Variants in FHIT observed in about 807,000 individuals in gnomAD.
FHIT encodes the protein fragile histidine triad diadenosine triphosphatase, also known as bis(5'-adenosyl)-triphosphatase.
Under a neutral mutation model 17.9 loss-of-function variants are expected in FHIT, and 19 were observed. The ratio of observed to expected loss-of-function variants is 1.06; its 90% CI spans 0.74 to 1.56. The LOEUF is 1.56. FHIT is among the 40% of genes most tolerant of loss of function. The probability of loss-of-function intolerance (pLI) is 0.00; values close to 1 mark genes in which losing one functional copy is unlikely to be tolerated. For missense variants in FHIT, 248 were observed against 189.2 expected, an observed-to-expected ratio of 1.31 and a Z score of -1.82; for synonymous variants, 81 against 69.7, an observed-to-expected ratio of 1.16 and a Z score of -0.81.
At chr3:60,637,500 T>C (rs958953243) in intron 4 of FHIT, among the ~76,000 whole-genome samples, 4 of 152,152 alleles carry the variant, frequency 2.6e-5, no homozygotes, top group Non-Finnish European at 5.9e-5. Context: ...TTACATTAGA[T>C]ACATAATAAT....
chr3:59,945,754 G>A (rs1706770866), intron 7 of FHIT, among the ~76,000 whole-genome samples: 2 of 152,106 alleles, frequency 1.3e-5, no homozygotes, highest in South Asian at 2.1e-4. Context: ...TTCTGCATAT[G>A]GCTAGTCAGT....
intron 4 of FHIT, among the ~76,000 whole-genome samples, chr3:60,768,057 C>T (rs1553721984): frequency 1.3e-5 from 2 of 152,126 alleles, no homozygotes; most frequent in Non-Finnish European, 2.9e-5. Context: ...CAACATTGCA[C>T]GATAAGCTAG....
chr3:60,012,330 A>G (rs1700175051), intron 6 of FHIT, among the ~76,000 whole-genome samples: 1 of 141,000 alleles, frequency 7.1e-6, no homozygotes, highest in South Asian at 2.2e-4. Context: ...GTATGGTGGC[A>G]TGATGGCGGC....
intron 2 of FHIT, among the ~76,000 whole-genome samples, chr3:61,059,154 A>G: frequency 1.3e-5 from 2 of 152,240 alleles, no homozygotes; most frequent in East Asian, 1.9e-4. Context: ...TAGAAAGTCA[A>G]TTTTAAAATC....
chr3:60,087,631 G>C (rs1164759276), intron 5 of FHIT, among the ~76,000 whole-genome samples: 1 of 152,008 alleles, frequency 6.6e-6, no homozygotes, highest in Non-Finnish European at 1.5e-5. Flanking sequence ...TTTTAAGTTC[G>C]ACCTTCCACA....
chr3:61,135,148 A>C (rs1398027178), intron 2 of FHIT, among the ~76,000 whole-genome samples: 1 of 152,216 alleles, frequency 6.6e-6, no homozygotes, highest in East Asian at 1.9e-4. Context: ...GGTGAGAACT[A>C]GGTGGAAATG....
chr3:60,340,790 C>A (rs1163592692), intron 5 of FHIT, among the ~76,000 whole-genome samples: 1 of 152,140 alleles, frequency 6.6e-6, no homozygotes, highest in African/African-American at 2.4e-5. Flanking sequence ...TCACCACAAC[C>A]TTTGCCTCCC....
intron 4 of FHIT, among the ~76,000 whole-genome samples, chr3:60,582,071 C>T (rs1553659852): frequency 6.6e-6 from 1 of 152,020 alleles, no homozygotes; most frequent in South Asian, 2.1e-4. Context: ...CAGTGATTCT[C>T]AACCTTGGCT....
chr3:60,871,244 T>C (rs1553754957), intron 3 of FHIT, among the ~76,000 whole-genome samples: 3 of 152,144 alleles, frequency 2.0e-5, no homozygotes, highest in South Asian at 4.1e-4. Context: ...TATTTTAACA[T>C]TGCCTTCACA....
rs532036494 is a variant in FHIT at position 60,356,421 on chromosome 3, T to C, written c.103+180439A>G. 1.5e-4 allele frequency among the ~76,000 whole-genome samples: 23 copies of C among 152,290 alleles called. No homozygotes were observed. In the South Asian group the frequency reaches 4.1e-3, roughly 27 times the overall value. ...TCAGACAATGTAGGAGAACTTAAAA[T>C]GGACAGCCAATTTTTCAAAAAGGAC... On this transcript the variant is annotated intron_variant, in intron 5 of 9. Transcript: ENST00000492590.
At chr3:60,696,448 G>C (rs1418052303) in intron 4 of FHIT, among the ~76,000 whole-genome samples, 4 of 152,156 alleles carry the variant, frequency 2.6e-5, no homozygotes, top group Admixed American at 2.6e-4. Flanking sequence ...CTGGGTTCAA[G>C]TGCTTGCCAT....
At chr3:60,515,954 A>G (rs1377802612) in intron 5 of FHIT, among the ~76,000 whole-genome samples, 1 of 152,176 alleles carries the variant, frequency 6.6e-6, no homozygotes, top group Non-Finnish European at 1.5e-5. Flanking sequence ...GGTATGCAAA[A>G]ATCACCTTTG....
chr3:59,951,268 A>G (rs1707102379), intron 7 of FHIT, among the ~76,000 whole-genome samples: 1 of 151,640 alleles, frequency 6.6e-6, no homozygotes, highest in Admixed American at 6.6e-5. Flanking sequence ...GTGCATGGAA[A>G]TAACACAGAA....
chr3:60,379,063 C>T (rs1208765057), intron 5 of FHIT, among the ~76,000 whole-genome samples: 1 of 152,134 alleles, frequency 6.6e-6, no homozygotes, highest in Non-Finnish European at 1.5e-5. Context: ...GATGAAGAAT[C>T]AATTTTATCC....
At chr3:60,062,483 G>A (rs1021817173) in intron 5 of FHIT, among the ~76,000 whole-genome samples, 1 of 152,072 alleles carries the variant, frequency 6.6e-6, no homozygotes, top group Non-Finnish European at 1.5e-5. Flanking sequence ...ATCTCCTCTA[G>A]TGAAGAAAAT....
chr3:60,224,792 T>G (rs1704119643), intron 5 of FHIT, among the ~76,000 whole-genome samples: 1 of 151,936 alleles, frequency 6.6e-6, no homozygotes, highest in Admixed American at 6.6e-5. Flanking sequence ...GTGTGTGGTC[T>G]TGGCTGAAAA....
chr3:60,024,875 A>G (rs1227317824), intron 5 of FHIT, among the ~76,000 whole-genome samples: 4 of 152,136 alleles, frequency 2.6e-5, no homozygotes, highest in African/African-American at 9.7e-5. Flanking sequence ...GAGAGTGGAG[A>G]TGTATGACAG....
intron 4 of FHIT, among the ~76,000 whole-genome samples, chr3:60,804,000 C>T (rs1436911818): frequency 2.0e-5 from 3 of 152,222 alleles, no homozygotes; most frequent in Non-Finnish European, 4.4e-5. Context: ...CAAACACATG[C>T]AACTAATTGC....
chr3:61,128,118 A>G (rs2106945995), intron 2 of FHIT, among the ~76,000 whole-genome samples: 1 of 152,320 alleles, frequency 6.6e-6, no homozygotes, highest in South Asian at 2.1e-4. Flanking sequence ...ATCTGAAGAG[A>G]AAAATCAGTA....
Sources: gnomAD v4.1 joint callset for allele counts (sites outside exome capture counted in the v4.1 genomes callset) on GRCh38, gnomAD v4.1.1 for gene constraint, MANE v1.5 for transcripts, NCBI Gene and HGNC (gene_info 2026-07-23, HGNC 2026-07-21) for gene names.